The following DOCK3 variants were observed in gnomAD, a reference collection of about 807,000 sequenced individuals.
The protein encoded by DOCK3 is dedicator of cytokinesis protein 3.
DOCK3 carries 60 observed loss-of-function variants against 265.6 expected under a neutral mutation model. The observed-to-expected ratio is 0.23, with a 90% CI of 0.18 to 0.28. The LOEUF is 0.28. Ranked by LOEUF, DOCK3 falls within the 10% of genes least tolerant of loss-of-function variation. The pLI is 1.00. For synonymous variants in DOCK3, 881 were observed against 938.0 expected, an observed-to-expected ratio of 0.94 and a Z score of 1.11; for missense variants, 1,981 against 2,594.3, an observed-to-expected ratio of 0.76 and a Z score of 5.14.
chr3:50,884,348 C>G (rs1313176969), intron 3 of DOCK3, among the ~76,000 whole-genome samples: 1 of 152,192 alleles, frequency 6.6e-6, no homozygotes, highest in Admixed American at 6.5e-5. Flanking sequence ...GCCTTGGCCT[C>G]TCAAAGTGCT....
chr3:50,983,679 C>G (rs868010057), intron 5 of DOCK3, among the ~76,000 whole-genome samples: 1 of 152,154 alleles, frequency 6.6e-6, no homozygotes, highest in Non-Finnish European at 1.5e-5. Flanking sequence ...TAAAGATTCC[C>G]TTTGTCTTGC....
chr3:50,931,018 G>A (rs2051037080), intron 4 of DOCK3, among the ~76,000 whole-genome samples: 1 of 152,162 alleles, frequency 6.6e-6, no homozygotes, highest in African/African-American at 2.4e-5. Flanking sequence ...ATGCCCGGCT[G>A]TGTAAGGGTG....
chr3:50,822,564 A>G (rs1464319895), intron 2 of DOCK3, among the ~76,000 whole-genome samples: 1 of 151,962 alleles, frequency 6.6e-6, no homozygotes, highest in Non-Finnish European at 1.5e-5. Context: ...TGGTGCAATC[A>G]TAGCTCACTG....
chr3:51,304,613 G>A (rs989358862), intron 27 of DOCK3, among the ~76,000 whole-genome samples: 1 of 152,330 alleles, frequency 6.6e-6, no homozygotes, highest in Admixed American at 6.5e-5. Flanking sequence ...CCCACAAGTA[G>A]GATCTCCTGA....
Position 51,381,499 on chromosome 3 carries a change from T to G in DOCK3, c.6033T>G (p.Pro2011=). ...RGLHRKAPLP[P]GSAKEEQARM... ...TGCACCGCAAGGCTCCATTGCCTCCTGGGAGCGCTAAGGAGGAGCAGGCCC... is the reference window on the plus strand; with the variant it reads ...TGCACCGCAAGGCTCCATTGCCTCCGGGGAGCGCTAAGGAGGAGCAGGCCC... The change falls in exon 53 of 53, where the codon CCT becomes CCG. Residue 2011 remains proline, a synonymous_variant. Transcript: ENST00000266037. The surrounding 1 kb of genome is among the most constrained non-coding windows in gnomAD (Gnocchi z 5.6). 1 of 1,583,592 alleles carries G rather than the reference T, an allele frequency of 6.3e-7. No homozygotes were observed. The highest frequency in any genetic ancestry group is 8.6e-7 in the Non-Finnish European group (1 of 1,165,900).
In DOCK3 at chr3:50,908,463, T is replaced by C. The variant is rs1008339120; in HGVS notation, c.218+18382T>C. Among the ~76,000 whole-genome samples the C allele has an allele frequency of 3.3e-5, 5 of 152,120 alleles. 1 individual carries two copies. The highest frequency in any genetic ancestry group is 9.7e-5 in the African/African-American group (4 of 41,358). On this transcript the variant is annotated intron_variant, in intron 4 of 52. Coordinates refer to ENST00000266037, the MANE Select transcript of DOCK3 (RefSeq NM_004947.5). ...TATTTTCAAAGAACTTCTTGATTTC[T>C]GCCTCAATTATTCACCCAGTAGTCA...
chr3:50,820,157 T>G (rs73833887), intron 2 of DOCK3, among the ~76,000 whole-genome samples: 14,320 of 152,232 alleles, frequency 0.094, 817 homozygotes, highest in Non-Finnish European at 0.12. Flanking sequence ...GCCGCTGCTC[T>G]GTCTGTAGAG....
At chr3:51,262,918 T>TTTCTTG in intron 23 of DOCK3, among the ~76,000 whole-genome samples, 1 of 152,192 alleles carries the variant, frequency 6.6e-6, no homozygotes, top group East Asian at 1.9e-4. Flanking sequence ...TATGGGACTA[T>TTTCTTG]GTGAAAAGAC....
chr3:50,780,375 G>T (rs1489301794), intron 2 of DOCK3, among the ~76,000 whole-genome samples: 3 of 152,094 alleles, frequency 2.0e-5, no homozygotes, highest in Admixed American at 6.5e-5. Context: ...AAAGAAAAGG[G>T]ATTTATTTGC....
chr3:50,805,331 G>A (rs995047304), intron 2 of DOCK3, among the ~76,000 whole-genome samples: 4 of 152,184 alleles, frequency 2.6e-5, no homozygotes, highest in Non-Finnish European at 4.4e-5. Context: ...GTTTTCCAGG[G>A]GTGGGCTTGC....
At chr3:51,230,556 C>T (rs1418315615) in intron 19 of DOCK3, among the ~76,000 whole-genome samples, 2 of 151,908 alleles carry the variant, frequency 1.3e-5, no homozygotes, top group East Asian at 1.9e-4. Context: ...CTCACTCTGT[C>T]GCCAGGCTGG....
intron 12 of DOCK3, among the ~76,000 whole-genome samples, chr3:51,160,926 A>G (rs1162567278): frequency 6.6e-6 from 1 of 151,980 alleles, no homozygotes; most frequent in African/African-American, 2.4e-5. Context: ...AATACAAAAA[A>G]TTAGCCAGGC....
At chr3:51,058,292 T>G (rs998478333) in intron 5 of DOCK3, among the ~76,000 whole-genome samples, 2 of 152,142 alleles carry the variant, frequency 1.3e-5, no homozygotes, top group Non-Finnish European at 2.9e-5. Flanking sequence ...TTCAAAACTG[T>G]GGGAAAATAG....
chr3:50,784,836 C>A (rs1348304300), intron 2 of DOCK3, among the ~76,000 whole-genome samples: 1 of 152,166 alleles, frequency 6.6e-6, no homozygotes, highest in African/African-American at 2.4e-5. Context: ...TGGTGTGTAG[C>A]AGTGCTACAA....
At chr3:50,804,600 G>T (rs988635627) in intron 2 of DOCK3, among the ~76,000 whole-genome samples, 1 of 152,182 alleles carries the variant, frequency 6.6e-6, no homozygotes, top group Non-Finnish European at 1.5e-5. Context: ...CCAGTCAGGC[G>T]TGGCGGCTGG....
rs370791360 is a variant in DOCK3 at position 50,954,809 on chromosome 3, C to A, written c.315+20732C>A. Among the ~76,000 whole-genome samples, 5 of 152,090 alleles carry A rather than the reference C, an allele frequency of 3.3e-5. No homozygotes were observed. In the East Asian group the frequency reaches 5.8e-4, roughly 18 times the overall value. ...TTTGTTGATAGTTTCTTTTTCTGTGCAGAAGCTGTTAAGTTTAATTAGATC... is the reference window on the plus strand; with the variant it reads ...TTTGTTGATAGTTTCTTTTTCTGTGAAGAAGCTGTTAAGTTTAATTAGATC... On this transcript the variant is annotated intron_variant, in intron 5 of 52. Transcript: ENST00000266037.
intron 12 of DOCK3, among the ~76,000 whole-genome samples, chr3:51,207,987 C>G (rs1000283221): frequency 1.3e-5 from 2 of 152,124 alleles, no homozygotes; most frequent in African/African-American, 4.8e-5. Flanking sequence ...AGTCTCTGTT[C>G]CTAAACTTTG....
At chr3:50,682,357 C>T (rs2034473823) in intron 1 of DOCK3, among the ~76,000 whole-genome samples, 1 of 152,208 alleles carries the variant, frequency 6.6e-6, no homozygotes, top group East Asian at 1.9e-4. Context: ...ATATTTGCTG[C>T]ATCATGTCTT....
At chr3:51,241,350 A>T (rs2078602955) in intron 21 of DOCK3, among the ~76,000 whole-genome samples, 2 of 152,122 alleles carry the variant, frequency 1.3e-5, no homozygotes, top group African/African-American at 2.4e-5. Flanking sequence ...AATGCCTTTA[A>T]CATTTTTTCT....
Sources: gnomAD v4.1 joint callset for allele counts (sites outside exome capture counted in the v4.1 genomes callset) on GRCh38, gnomAD v4.1.1 for gene constraint, Gnocchi (gnomAD v3.1) non-coding constraint, MANE v1.5 for transcripts, NCBI Gene and HGNC (gene_info 2026-07-23, HGNC 2026-07-21) for gene names.